Variants in SLC16A2 observed in about 807,000 individuals in gnomAD.
The protein encoded by SLC16A2 is monocarboxylate transporter 8.
In SLC16A2, 3 loss-of-function variants were observed where a neutral mutation model predicts 27.2. The observed-to-expected ratio is 0.11, with a 90% CI of 0.05 to 0.28. The LOEUF (loss-of-function observed/expected upper bound fraction) is 0.28, where lower values mean the gene tolerates loss of function less well. Ranked by LOEUF, SLC16A2 falls within the 10% of genes least tolerant of loss-of-function variation. SLC16A2 has a pLI of 1.00. For synonymous variants in SLC16A2, 202 were observed against 187.8 expected (o/e 1.08, Z -0.62); for missense variants, 295 against 458.5 (o/e 0.64, Z 3.26).
intron 1 of SLC16A2, among the ~76,000 whole-genome samples, chrX:74,496,224 C>T (rs1161942921): frequency 1.7e-4 from 19 of 109,356 alleles, no homozygotes; most frequent in Non-Finnish European, 3.4e-4. Context: ...TCAGGGAGCT[C>T]CTGGGTCCTC....
intron 1 of SLC16A2, among the ~76,000 whole-genome samples, chrX:74,513,502 C>T (rs1471739318): frequency 1.8e-5 from 2 of 111,967 alleles, no homozygotes; most frequent in Admixed American, 1.9e-4. Flanking sequence ...TAACCAGTAA[C>T]ACCCAATAAC....
At chrX:74,489,365 T>G (rs1040950871) in intron 1 of SLC16A2, among the ~76,000 whole-genome samples, 3 of 112,091 alleles carry the variant, frequency 2.7e-5, no homozygotes, top group Non-Finnish European at 5.6e-5. Context: ...TTTGGCTGGG[T>G]TTTATAGTTT....
chrX:74,519,723 AAAAAAAAC>A (rs1431724621), intron 1 of SLC16A2, among the ~76,000 whole-genome samples: 1 of 69,200 alleles, frequency 1.4e-5, no homozygotes, highest in Non-Finnish European at 3.7e-5. Context: ...CTCAAAAAAA[AAAAAAAAC>A]AAAAAAAAAA....
At chrX:74,469,212 T>C (rs1929306165) in intron 1 of SLC16A2, among the ~76,000 whole-genome samples, 1 of 112,189 alleles carries the variant, frequency 8.9e-6, no homozygotes, top group African/African-American at 3.2e-5. Context: ...ATTTCCTTTA[T>C]CCATTCACCT....
At chrX:74,477,936 T>C (rs1362173366) in intron 1 of SLC16A2, among the ~76,000 whole-genome samples, 4 of 111,943 alleles carry the variant, frequency 3.6e-5, no homozygotes, top group Admixed American at 9.5e-5. Context: ...ATAGGTGTGG[T>C]GTGGTGCTGA....
At chrX:74,469,951 C>T (rs1929324616) in intron 1 of SLC16A2, among the ~76,000 whole-genome samples, 1 of 111,883 alleles carries the variant, frequency 8.9e-6, no homozygotes, top group Non-Finnish European at 1.9e-5. Context: ...AGTTCCACTG[C>T]TCTAAAAATT....
In SLC16A2 at chrX:74,428,627, C is replaced by G. The variant is rs774144811; in HGVS notation, c.430+6560C>G. Among the ~76,000 whole-genome samples, 5 of 111,028 alleles carry G rather than the reference C, an allele frequency of 4.5e-5. No individual in the cohort carries two copies. The East Asian group carries it at 1.1e-3, about 25-fold the overall frequency. ...CATCCTACAGAGGCCTCCCTTCCCC[C>G]TTTCCCCTTCCTTTCCTCTCTTACT... is the stretch of plus-strand genomic sequence containing the variant. On this transcript the variant is annotated intron_variant, in intron 1 of 5. Transcript: ENST00000587091.
rs1023683164 is a variant in SLC16A2, at chrX:74,422,182, T to TCCCCTTA, written c.430+129_430+135dup. On this transcript the variant is annotated intron_variant, in intron 1 of 5. Coordinates refer to ENST00000587091, the MANE Select transcript of SLC16A2 (RefSeq NM_006517.5). The stretch of plus-strand genomic sequence containing the variant: ...CCCTCCAACGCGCCTCTCCGACTCC[T>TCCCCTTA]CCCCTTACCCCTTACCCCTTGCCCC... The TCCCCTTA allele has an allele frequency of 1.9e-4, 142 of 756,426 alleles. 1 individual carries two copies. The Admixed American group carries it at 2.2e-3, about 11-fold the overall frequency. 62.3% of individuals were successfully genotyped at this position (756,426 alleles called of 1,213,427 possible).
intron 1 of SLC16A2, among the ~76,000 whole-genome samples, chrX:74,432,537 CT>C (rs1928552601): frequency 1.8e-5 from 2 of 111,893 alleles, no homozygotes; most frequent in Non-Finnish European, 3.8e-5. Context: ...CTAAACCCTT[CT>C]TTAAGACTAA....
chrX:74,461,405 A>AGT lies in SLC16A2; in HGVS notation c.430+39339_430+39340insTG, dbSNP rs745514325. 7.4e-4 allele frequency among the ~76,000 whole-genome samples: 66 copies of AGT among 89,197 alleles called. 1 individual carries two copies. The East Asian group carries it at 0.02, about 28-fold the overall frequency. The allele number at this position is 89,197 out of a possible 115,157, so 77.5% of individuals were successfully genotyped here. A position where few individuals can be genotyped will look rare whatever the true frequency, so the allele number is the denominator to read the frequency against. On this transcript the variant is annotated intron_variant, in intron 1 of 5. Transcript: ENST00000587091. ...GAAAAGGAGAGAAAGGGAGAGAGAG[A>AGT]GAGTGTGTGTGTGTGTGTGTGTGTG...
At chrX:74,426,024 A>T (rs954073526) in intron 1 of SLC16A2, among the ~76,000 whole-genome samples, 1 of 111,272 alleles carries the variant, frequency 9.0e-6, no homozygotes, top group African/African-American at 3.3e-5. Flanking sequence ...AGAATGATAC[A>T]CTCTGCCTTT....
At chrX:74,469,749 C>CA (rs1394002117) in intron 1 of SLC16A2, among the ~76,000 whole-genome samples, 6 of 110,862 alleles carry the variant, frequency 5.4e-5, no homozygotes, top group Non-Finnish European at 1.1e-4. Flanking sequence ...CCCTACCCCC[C>CA]AGCATGCACA....
Position 74,531,820 on chromosome X carries a change from C to T in SLC16A2, c.*267C>T. On this transcript the variant is annotated 3_prime_UTR_variant, in exon 6 of 6. Coordinates refer to ENST00000587091, the MANE Select transcript of SLC16A2 (RefSeq NM_006517.5). ...ACCACCCCTGGCCTTTGGAACCTCT[C>T]CATATACTTTCTAAGCTCTGGGGGA... 2.4e-6 allele frequency: 1 copy of T among 410,333 alleles called. No homozygotes were observed. The highest frequency in any genetic ancestry group is 4.1e-5 in the Admixed American group (1 of 24,453). 33.8% of individuals were successfully genotyped at this position (410,333 alleles called of 1,213,427 possible). A position where few individuals can be genotyped will look rare whatever the true frequency, so the allele number is the denominator to read the frequency against.
At chrX:74,448,121 T>C (rs773674712) in intron 1 of SLC16A2, among the ~76,000 whole-genome samples, 1 of 111,455 alleles carries the variant, frequency 9.0e-6, no homozygotes, top group South Asian at 3.8e-4. Flanking sequence ...TTCCCAACCC[T>C]AGCTGACTAT....
chrX:74,505,985 C>T (rs776098026), intron 1 of SLC16A2, among the ~76,000 whole-genome samples: 2 of 112,089 alleles, frequency 1.8e-5, no homozygotes, highest in East Asian at 2.8e-4. Context: ...GAAAATTGTT[C>T]GTCTGACTCC....
intron 1 of SLC16A2, among the ~76,000 whole-genome samples, chrX:74,449,209 T>A (rs1464763145): frequency 8.9e-6 from 1 of 112,073 alleles, no homozygotes; most frequent in African/African-American, 3.2e-5. Context: ...CACTGTCATG[T>A]TCATTTGCTG....
rs375215435 is a variant in SLC16A2 at position 74,436,788 on chromosome X, G to A, written c.430+14721G>A. Reference sequence around the variant, plus strand: ...CCAGTCAGAAATTTAGGGAGTTAGGGGTTTCTTATCAAGGTACCTTCTAGG... The same window carrying A: ...CCAGTCAGAAATTTAGGGAGTTAGGAGTTTCTTATCAAGGTACCTTCTAGG... On this transcript the variant is annotated intron_variant, in intron 1 of 5. Coordinates refer to ENST00000587091, the MANE Select transcript of SLC16A2 (RefSeq NM_006517.5). Among the ~76,000 whole-genome samples, 10 of 111,753 alleles carry A rather than the reference G, an allele frequency of 8.9e-5. No homozygotes were observed. In the East Asian group the frequency reaches 2.2e-3, roughly 25 times the overall value.
chrX:74,529,138 C>T, intron 4 of SLC16A2, 75 bp from the exon 5 acceptor site: 2 of 708,479 alleles, frequency 2.8e-6, no homozygotes, highest in Non-Finnish European at 4.4e-6. Flanking sequence ...GAAATGAAGA[C>T]TTGAGAAAGG....
intron 1 of SLC16A2, among the ~76,000 whole-genome samples, chrX:74,507,093 C>T (rs557901672): frequency 1.9e-5 from 2 of 107,764 alleles, no homozygotes; most frequent in South Asian, 8.3e-4. Context: ...ACTACAGGCC[C>T]GTGCCACCAC....
Sources: allele counts gnomAD v4.1 joint callset (sites outside exome capture counted in the v4.1 genomes callset), GRCh38; gene constraint gnomAD v4.1.1; transcripts MANE v1.5; gene names NCBI Gene and HGNC (gene_info 2026-07-23, HGNC 2026-07-21).